SIPA1L3: variants seen among roughly 807,000 people sequenced by gnomAD.
SIPA1L3 encodes signal-induced proliferation-associated 1-like protein 3.
In SIPA1L3, 59 loss-of-function variants were observed where a neutral mutation model predicts 150.1. The ratio of observed to expected loss-of-function variants is 0.39; its 90% CI spans 0.32 to 0.49. The LOEUF is 0.49. Ranked by LOEUF, SIPA1L3 falls within the 20% of genes least tolerant of loss-of-function variation. The pLI, the probability that SIPA1L3 is intolerant of heterozygous loss-of-function variation, is 0.86. For synonymous variants in SIPA1L3, 1,070 were observed against 1,077.6 expected (o/e 0.99, Z 0.14); for missense variants, 2,211 against 2,489.5 (o/e 0.89, Z 2.38).
chr19:38,053,938 C>T (rs950918356), intron 2 of SIPA1L3, among the ~76,000 whole-genome samples: 2 of 150,416 alleles, frequency 1.3e-5, no homozygotes, highest in African/African-American at 4.9e-5. Flanking sequence ...TGGCAAAAAC[C>T]GCAATTACTT....
chr19:38,170,227 C>T (rs1972296508), intron 15 of SIPA1L3, among the ~76,000 whole-genome samples: 1 of 152,172 alleles, frequency 6.6e-6, no homozygotes, highest in East Asian at 1.9e-4. Context: ...CACTGTCCAT[C>T]TCACCCCACC....
At chr19:38,160,480 C>T (rs1392641339) in intron 13 of SIPA1L3, among the ~76,000 whole-genome samples, 1 of 151,762 alleles carries the variant, frequency 6.6e-6, no homozygotes, top group Non-Finnish European at 1.5e-5. Context: ...CGGCTCACTG[C>T]AGCCTCCTCC....
intron 1 of SIPA1L3, among the ~76,000 whole-genome samples, chr19:37,991,125 G>A (rs1477709780): frequency 6.6e-6 from 1 of 152,124 alleles, no homozygotes; most frequent in African/African-American, 2.4e-5. Context: ...CCAGCTACTT[G>A]GGAGGCTGAG....
At chr19:37,947,592 C>T (rs937145728) in intron 1 of SIPA1L3, among the ~76,000 whole-genome samples, 4 of 151,992 alleles carry the variant, frequency 2.6e-5, no homozygotes, top group Non-Finnish European at 5.9e-5. Context: ...GAAACTCAAA[C>T]TTACTGTGAG....
intron 2 of SIPA1L3, among the ~76,000 whole-genome samples, chr19:38,068,320 C>T (rs558152889): frequency 7.9e-5 from 12 of 152,184 alleles, no homozygotes; most frequent in African/African-American, 2.9e-4. Context: ...TGAGCCACCA[C>T]GCCCGGCCGA....
intron 1 of SIPA1L3, among the ~76,000 whole-genome samples, chr19:37,995,820 C>T (rs914414637): frequency 1.3e-5 from 2 of 152,174 alleles, no homozygotes; most frequent in African/African-American, 4.8e-5. Context: ...CCACACGTGC[C>T]ATTGGGGCTC....
intron 1 of SIPA1L3, among the ~76,000 whole-genome samples, chr19:37,962,267 C>T (rs1399677645): frequency 6.6e-6 from 1 of 151,728 alleles, no homozygotes; most frequent in Non-Finnish European, 1.5e-5. Context: ...CCTCAGCCTC[C>T]CGAGTAGCTG....
At chr19:37,916,070 A>G (rs2046412217) in intron 1 of SIPA1L3, among the ~76,000 whole-genome samples, 1 of 151,806 alleles carries the variant, frequency 6.6e-6, no homozygotes, top group Non-Finnish European at 1.5e-5. Flanking sequence ...TCTGTTGCCC[A>G]GGCTGGAGTA....
intron 2 of SIPA1L3, among the ~76,000 whole-genome samples, chr19:38,035,425 C>T (rs1427654660): frequency 1.3e-5 from 2 of 152,080 alleles, no homozygotes; most frequent in Admixed American, 6.6e-5. Context: ...GGGGAAGCCA[C>T]GGGGCTGTGG....
At chr19:38,116,810 C>T (rs1970897060) in intron 8 of SIPA1L3, among the ~76,000 whole-genome samples, 1 of 152,014 alleles carries the variant, frequency 6.6e-6, no homozygotes, top group Non-Finnish European at 1.5e-5. Flanking sequence ...GCTGAGATCA[C>T]GCCACTGCAC....
intron 7 of SIPA1L3, chr19:38,109,450 G>C (rs1378077332): frequency 6.6e-6 from 1 of 152,212 alleles, no homozygotes; most frequent in African/African-American, 2.4e-5. Flanking sequence ...AAGATGAATT[G>C]TAGGGTGTGG....
chr19:37,993,262 T>C (rs1364481865), intron 1 of SIPA1L3, among the ~76,000 whole-genome samples: 4 of 152,230 alleles, frequency 2.6e-5, no homozygotes, highest in Admixed American at 1.3e-4. Context: ...ATGATCTATA[T>C]GAAGCCCTTG....
At chr19:37,935,661 A>T (rs2046594137) in intron 1 of SIPA1L3, among the ~76,000 whole-genome samples, 1 of 152,098 alleles carries the variant, frequency 6.6e-6, no homozygotes, top group Non-Finnish European at 1.5e-5. Flanking sequence ...GCACCTTGGG[A>T]ATGGCTGGGT....
In SIPA1L3 at chr19:38,119,551, T is replaced by G; in HGVS notation, c.2537T>G (p.Leu846Arg). 6.2e-7 allele frequency: 1 copy of G among 1,614,052 alleles called. No individual in the cohort carries two copies. Among genetic ancestry groups the G allele is most frequent in the Non-Finnish European group, 8.5e-7 (1 of 1,180,020 alleles). The stretch of plus-strand genomic sequence containing the variant: ...ATCGACTCCACCGGCAAATTCAACC[T>G]CATCTCCCTGACCTCCAAGAAGAAG... The part of the protein sequence containing the change: ...TPIDSTGKFN[L>R]ISLTSKKKEK... The change falls in exon 9 of 22, where the codon CTC (leucine) becomes CGC (arginine). Residue 846 changes from leucine to arginine, a missense_variant. By Grantham distance (102) the Leu-to-Arg change is moderately radical. Around this residue, in one of 5 missense-constraint regions of SIPA1L3, gnomAD observed 625 missense variants for 804.2 expected, o/e 0.78. Transcript: ENST00000222345.
chr19:38,005,273 ACT>A (rs1487039720), intron 1 of SIPA1L3, among the ~76,000 whole-genome samples: 2 of 151,710 alleles, frequency 1.3e-5, no homozygotes, highest in East Asian at 1.9e-4. Flanking sequence ...CCTCATTGCA[ACT>A]CTCTACAGGA....
chr19:38,178,086 GGT>G (rs765404105), intron 15 of SIPA1L3, among the ~76,000 whole-genome samples: 11,336 of 130,462 alleles, frequency 0.087, 447 homozygotes, highest in African/African-American at 0.09. Context: ...GCAGGCTTTT[GGT>G]GTGTGTGTGT....
At chr19:38,150,462 C>G (rs1971794500) in intron 12 of SIPA1L3, among the ~76,000 whole-genome samples, 2 of 152,092 alleles carry the variant, frequency 1.3e-5, no homozygotes, top group South Asian at 4.1e-4. Context: ...CTCACCTCCC[C>G]CTACCAGATC....
At chr19:37,994,703 T>C (rs891019778) in intron 1 of SIPA1L3, among the ~76,000 whole-genome samples, 30 of 152,174 alleles carry the variant, frequency 2.0e-4, no homozygotes, top group African/African-American at 7.2e-4. Context: ...ATAGTGGTAA[T>C]AATCTTTAAC....
rs1396307255 is a variant in SIPA1L3, at chr19:38,168,015, G to C, written c.4208+3109G>C. On this transcript the variant is annotated intron_variant, in intron 15 of 21. Transcript: ENST00000222345. The stretch of plus-strand genomic sequence containing the variant: ...CTGAGAGAAATCAGGAGCACATTTG[G>C]ATGAGGCCTCCCCACCGCCCACTGT... 2.0e-5 allele frequency among the ~76,000 whole-genome samples: 3 copies of C among 152,132 alleles called. No homozygotes were observed. The East Asian group carries it at 5.8e-4, about 29-fold the overall frequency.
Sources: gnomAD v4.1 joint callset for allele counts (sites outside exome capture counted in the v4.1 genomes callset) on GRCh38, gnomAD v4.1.1 for gene constraint, gnomAD v4.1.1 regional missense constraint, MANE v1.5 for transcripts, NCBI Gene and HGNC (gene_info 2026-07-23, HGNC 2026-07-21) for gene names.